The following UFD1 variants were observed in gnomAD, a reference collection of about 807,000 sequenced individuals.
The protein encoded by UFD1 is ubiquitin recognition factor in ER-associated degradation protein 1.
In UFD1, 13 loss-of-function variants were observed where a neutral mutation model predicts 45.9. The observed-to-expected ratio is 0.28, with a 90% CI of 0.18 to 0.45. The LOEUF (loss-of-function observed/expected upper bound fraction) is 0.45. Among genes scored for constraint, UFD1 ranks in the 20% least tolerant of loss-of-function variants. The pLI, the probability that UFD1 is intolerant of heterozygous loss-of-function variation, is 1.00. For synonymous variants in UFD1, 128 were observed against 139.2 expected, an observed-to-expected ratio of 0.92 and a Z score of 0.56; for missense variants, 218 against 389.2, an observed-to-expected ratio of 0.56 and a Z score of 3.70.
intron 4 of UFD1, chr22:19,471,394 T>G (rs761676397): frequency 1.5e-6 from 1 of 663,894 alleles, no homozygotes; most frequent in East Asian, 3.2e-5. Context: ...TGCTCCATTA[T>G]TTTTAAAAAC....
chr22:19,477,632 C>A (rs1432311982), intron 1 of UFD1, among the ~76,000 whole-genome samples: 2 of 152,154 alleles, frequency 1.3e-5, no homozygotes, highest in Middle Eastern at 3.4e-3. Context: ...GTACTCAACA[C>A]TATTGAACTA....
chr22:19,454,425 G>C (rs1247463206), intron 11 of UFD1: 20 of 747,922 alleles, frequency 2.7e-5, no homozygotes, highest in Non-Finnish European at 3.3e-5. Flanking sequence ...TTTCCGTGCT[G>C]TTATCATGAT....
chr22:19,471,129 G>C (rs2089841710), intron 4 of UFD1: 1 of 464,674 alleles, frequency 2.2e-6, no homozygotes, highest in Admixed American at 2.3e-5. Context: ...GTACAGCCTT[G>C]AGGGCAGGCT....
chr22:19,470,163 G>C (rs2089833466), intron 4 of UFD1: 3 of 442,960 alleles, frequency 6.8e-6, no homozygotes, highest in African/African-American at 4.0e-5. Context: ...CAAATACTGG[G>C]GAGGGCAGGT....
intron 6 of UFD1, among the ~76,000 whole-genome samples, chr22:19,460,063 T>A (rs1006138994): frequency 2.0e-5 from 3 of 151,980 alleles, no homozygotes; most frequent in African/African-American, 4.8e-5. Flanking sequence ...ACAACCATTT[T>A]AAAAAGTCTG....
chr22:19,467,601 T>C (rs1195938735), intron 5 of UFD1: 1 of 379,300 alleles, frequency 2.6e-6, no homozygotes, highest in East Asian at 6.2e-5. Context: ...CCTGGCTTTG[T>C]GCCAGGTGAC....
At chr22:19,460,030 C>T (rs1411748226) in intron 6 of UFD1, among the ~76,000 whole-genome samples, 5 of 151,898 alleles carry the variant, frequency 3.3e-5, no homozygotes, top group Admixed American at 2.6e-4. Context: ...GGCCACCATG[C>T]CCGGCCAGTA....
At chr22:19,460,751 C>T (rs1231070966) in intron 6 of UFD1, among the ~76,000 whole-genome samples, 2 of 151,104 alleles carry the variant, frequency 1.3e-5, no homozygotes, top group African/African-American at 2.4e-5. Context: ...TGGCAACCAC[C>T]ATTCTTTTTT....
intron 11 of UFD1, chr22:19,450,973 C>T: frequency 8.3e-7 from 1 of 1,202,702 alleles, no homozygotes; most frequent in East Asian, 3.5e-5. Flanking sequence ...CCATCTCTAC[C>T]AAAAATAGCT....
intron 6 of UFD1, 132 bp downstream of exon 6, chr22:19,465,070 T>C (rs1418285648): frequency 3.6e-6 from 3 of 830,068 alleles, no homozygotes; most frequent in Non-Finnish European, 5.8e-6. Context: ...GAAAACTTAA[T>C]AACCAAACAG....
intron 11 of UFD1, 124 bp from the exon 12 acceptor site, chr22:19,450,868 G>A: frequency 6.5e-7 from 1 of 1,546,426 alleles, no homozygotes. Flanking sequence ...GGACACGATA[G>A]CTGACACCTG....
chr22:19,468,075 C>T, intron 4 of UFD1, 72 bp from the exon 5 acceptor site: 2 of 1,564,368 alleles, frequency 1.3e-6, no homozygotes, highest in Non-Finnish European at 1.7e-6. Flanking sequence ...TCCCTATACA[C>T]TGGGCAGGCC....
rs374567815 is a variant in UFD1, at chr22:19,452,930, A to G, written c.849+1819T>C. ...ATTTTCATTCATTTTGCTGGAACTC[A>G]GTGAGCCCTTCAAATCTGCAAAATT... On this transcript the variant is annotated intron_variant, in intron 11 of 11. Transcript: ENST00000263202. 65 of 478,026 alleles carry G rather than the reference A, an allele frequency of 1.4e-4. 1 individual carries two copies. Among genetic ancestry groups the G allele is most frequent in the African/African-American group, 1.3e-3 (61 of 47,350 alleles). 29.6% of individuals were successfully genotyped at this position (478,026 alleles called of 1,614,324 possible). A position where few individuals can be genotyped will look rare whatever the true frequency, so the allele number is the denominator to read the frequency against.
At chr22:19,472,682 A>T (rs1025899440) in intron 3 of UFD1, among the ~76,000 whole-genome samples, 4 of 152,216 alleles carry the variant, frequency 2.6e-5, no homozygotes, top group African/African-American at 9.6e-5. Flanking sequence ...TGCCATGTGT[A>T]AGGCCCTTGT....
chr22:19,477,180 C>T (rs2089888795), intron 1 of UFD1, among the ~76,000 whole-genome samples: 2 of 152,058 alleles, frequency 1.3e-5, no homozygotes, highest in Non-Finnish European at 1.5e-5. Flanking sequence ...CCTAAAATCT[C>T]ACAGGAGGAT....
At chr22:19,478,990 TCCG>T in intron 1 of UFD1, 90 bp downstream of exon 1, 1 of 1,495,372 alleles carries the variant, frequency 6.7e-7, no homozygotes, top group Non-Finnish European at 9.0e-7. Context: ...ACTCGGCACC[TCCG>T]CCGCCGTCCC....
intron 4 of UFD1, among the ~76,000 whole-genome samples, chr22:19,471,033 G>C (rs936359149): frequency 3.9e-5 from 6 of 152,234 alleles, no homozygotes; most frequent in Non-Finnish European, 8.8e-5. Context: ...AAGGAGCCAA[G>C]TGGGCCACAG....
intron 9 of UFD1, 120 bp from the exon 10 acceptor site, chr22:19,455,888 A>C: frequency 1.2e-6 from 1 of 857,742 alleles, no homozygotes; most frequent in Non-Finnish European, 1.9e-6. Flanking sequence ...TCAGGACTGA[A>C]GCCCTGACTC....
intron 11 of UFD1, chr22:19,454,247 C>T: frequency 1.0e-6 from 1 of 995,110 alleles, no homozygotes. Flanking sequence ...AAAAACAGGA[C>T]ACCAGGGAGC....
Sources: allele counts gnomAD v4.1 joint callset (sites outside exome capture counted in the v4.1 genomes callset), GRCh38; gene constraint gnomAD v4.1.1; transcripts MANE v1.5; gene names NCBI Gene and HGNC (gene_info 2026-07-23, HGNC 2026-07-21).